STXBP4: variants seen among roughly 807,000 people sequenced by gnomAD.
The protein encoded by STXBP4 is syntaxin-binding protein 4.
Under a neutral mutation model 76.1 loss-of-function variants are expected in STXBP4, and 55 were observed. The ratio of observed to expected loss-of-function variants is 0.72; its 90% CI spans 0.58 to 0.91. The LOEUF (loss-of-function observed/expected upper bound fraction) is 0.91. STXBP4 is among the 40% of genes least tolerant of loss of function. The pLI is 0.00. For synonymous variants in STXBP4, 201 were observed against 220.2 expected, an observed-to-expected ratio of 0.91 and a Z score of 0.77; for missense variants, 618 against 636.9, an observed-to-expected ratio of 0.97 and a Z score of 0.32.
At chr17:54,990,268 T>G (rs2077693640) in intron 3 of STXBP4, among the ~76,000 whole-genome samples, 1 of 146,214 alleles carries the variant, frequency 6.8e-6, no homozygotes, top group South Asian at 2.1e-4. Flanking sequence ...CTGGTAGTGG[T>G]CCGTAGTCTG....
the STXBP4 span, among the ~76,000 whole-genome samples, chr17:55,209,118 A>G: frequency 6.6e-6 from 1 of 152,118 alleles, no homozygotes. Context: ...CTTACATTAT[A>G]AAAGAGGTGG....
At position 55,165,443 on chromosome 17, in the gene STXBP4, C is replaced by G. The variant is rs2080372481; in HGVS notation, c.*5532C>G. 1 of 152,182 alleles carries G rather than the reference C, an allele frequency of 6.6e-6. No individual in the cohort carries two copies. The highest frequency in any genetic ancestry group is 2.4e-5 in the African/African-American group (1 of 41,422). 9.4% of individuals were successfully genotyped at this position (152,182 alleles called of 1,614,324 possible). A position where few individuals can be genotyped will look rare whatever the true frequency, so the allele number is the denominator to read the frequency against. The stretch of plus-strand genomic sequence containing the variant: ...GACCTTGGACAACGCCAGTGAGCTT[C>G]CTCCAGCCCAATGTGGTCAACATTG... On this transcript the variant is annotated 3_prime_UTR_variant, in exon 18 of 18. Transcript: ENST00000376352.
At chr17:54,992,229 C>T (rs536534457) in intron 4 of STXBP4, among the ~76,000 whole-genome samples, 34 of 151,584 alleles carry the variant, frequency 2.2e-4, no homozygotes, top group African/African-American at 5.8e-4. Context: ...GCCTGGGCAA[C>T]GTAGAGAGAC....
rs759459768 is a variant in STXBP4 at position 54,999,674 on chromosome 17, C to T, written c.330C>T (p.Ser110=). The T allele has an allele frequency of 3.1e-5, 50 of 1,613,494 alleles. No individual in the cohort carries two copies. The highest frequency in any genetic ancestry group is 1.2e-4 in the Admixed American group (7 of 59,968). ...AWEIAFIRQK[S]DNIQPENLSC... is the part of the protein sequence containing the mutation. ...AGATAGCATTCATAAGACAAAAATC[C>T]GACAACATTCAGCCAGAAAATCTGT... is the stretch of plus-strand genomic sequence containing the variant. Residue 110 remains serine, a synonymous_variant, in exon 6 of 18, where the codon TCC becomes TCT. Transcript: ENST00000376352.
At chr17:54,993,809 C>A (rs1026968124) in intron 4 of STXBP4, among the ~76,000 whole-genome samples, 5 of 152,138 alleles carry the variant, frequency 3.3e-5, no homozygotes, top group Non-Finnish European at 7.3e-5. Flanking sequence ...TTTGTTTTAA[C>A]ATTATAATGT....
rs368220235 is a variant in STXBP4 at position 55,097,799 on chromosome 17, A to G, written c.1489+16616A>G. On this transcript the variant is annotated intron_variant, in intron 16 of 17. Coordinates refer to ENST00000376352, the MANE Select transcript of STXBP4 (RefSeq NM_178509.6). Reference sequence around the variant, plus strand: ...CAGAGTAGTGAAAAGATCATACGCTATAAGGTTCCAATGCCAACTCTATGG... The same window carrying G: ...CAGAGTAGTGAAAAGATCATACGCTGTAAGGTTCCAATGCCAACTCTATGG... Among the ~76,000 whole-genome samples the G allele has an allele frequency of 9.2e-5, 14 of 152,328 alleles. No individual in the cohort carries two copies. The South Asian group carries it at 1.9e-3, about 20-fold the overall frequency.
chr17:55,119,418 G>C (rs1477193248), intron 16 of STXBP4, among the ~76,000 whole-genome samples: 2 of 152,050 alleles, frequency 1.3e-5, no homozygotes, highest in African/African-American at 4.8e-5. Flanking sequence ...GAAAATTATA[G>C]AAGTCTAGAA....
rs376674385 is a variant in STXBP4, at chr17:55,016,330, C to T, written c.666+8733C>T. ...GATTCTAGTCCTTTACCAGTGTGCC[C>T]AACGTTGCCTTTGTGCTCAGGGGTG... On this transcript the variant is annotated intron_variant, in intron 8 of 17. Coordinates refer to ENST00000376352, the MANE Select transcript of STXBP4 (RefSeq NM_178509.6). Among the ~76,000 whole-genome samples the T allele has an allele frequency of 1.5e-3, 221 of 152,204 alleles. 6 individuals are homozygous for T. The South Asian group carries it at 0.045, about 31-fold the overall frequency.
At chr17:55,199,663 G>A in the STXBP4 span, among the ~76,000 whole-genome samples, 1 of 152,164 alleles carries the variant, frequency 6.6e-6, no homozygotes, top group Non-Finnish European at 1.5e-5. Flanking sequence ...ATATGTTCAA[G>A]TATGTTAAGG....
At chr17:55,023,532 G>T (rs562276827) in intron 8 of STXBP4, among the ~76,000 whole-genome samples, 6 of 152,166 alleles carry the variant, frequency 3.9e-5, no homozygotes, top group Non-Finnish European at 7.3e-5. Flanking sequence ...TCAGCCACCC[G>T]TGTGGACAAT....
the STXBP4 span, among the ~76,000 whole-genome samples, chr17:55,203,518 T>C: frequency 1.3e-5 from 2 of 152,176 alleles, no homozygotes. Context: ...TCAGAAGTTA[T>C]TGAAAATTAT....
chr17:55,070,183 T>A (rs575718572), intron 12 of STXBP4, among the ~76,000 whole-genome samples: 10 of 152,356 alleles, frequency 6.6e-5, no homozygotes, highest in South Asian at 4.1e-4. Flanking sequence ...TTTGTGATTC[T>A]GAGTTAGTTA....
At chr17:55,122,909 A>G (rs927110736) in intron 16 of STXBP4, among the ~76,000 whole-genome samples, 1 of 152,188 alleles carries the variant, frequency 6.6e-6, no homozygotes, top group African/African-American at 2.4e-5. Context: ...CTTAAAGAAC[A>G]TTATCTCAAA....
At chr17:55,208,061 T>A in the STXBP4 span, among the ~76,000 whole-genome samples, 1 of 150,606 alleles carries the variant, frequency 6.6e-6, no homozygotes, top group African/African-American at 2.5e-5. Context: ...AGTACCAGGC[T>A]ATACTAGATG....
the STXBP4 span, among the ~76,000 whole-genome samples, chr17:55,186,739 C>G: frequency 6.6e-6 from 1 of 152,088 alleles, no homozygotes; most frequent in Non-Finnish European, 1.5e-5. Flanking sequence ...TGATCTTTTG[C>G]CAGTTGATTA....
At chr17:54,984,595 G>A (rs1219285225) in intron 1 of STXBP4, among the ~76,000 whole-genome samples, 8 of 151,682 alleles carry the variant, frequency 5.3e-5, no homozygotes, top group Admixed American at 2.0e-4. Flanking sequence ...CACCCGCCTC[G>A]GCCACCCAAA....
chr17:55,176,764 G>A (rs960318959), downstream of STXBP4, among the ~76,000 whole-genome samples: 1 of 152,166 alleles, frequency 6.6e-6, no homozygotes, highest in East Asian at 1.9e-4. Flanking sequence ...AGCAATGTGG[G>A]TGAATATCAT....
At chr17:55,129,067 C>A (rs1347961582) in intron 16 of STXBP4, among the ~76,000 whole-genome samples, 2 of 151,604 alleles carry the variant, frequency 1.3e-5, no homozygotes, top group African/African-American at 4.8e-5. Context: ...GTAGCTGGGA[C>A]TACAGACACT....
At chr17:55,000,284 C>T in intron 6 of STXBP4, 1 of 984,740 alleles carries the variant, frequency 1.0e-6, no homozygotes, top group Non-Finnish European at 1.2e-6. Flanking sequence ...TTCATGTGTG[C>T]ATGCTATAGT....
Sources: allele counts gnomAD v4.1 joint callset (sites outside exome capture counted in the v4.1 genomes callset), GRCh38; gene constraint gnomAD v4.1.1; transcripts MANE v1.5; gene names NCBI Gene and HGNC (gene_info 2026-07-23, HGNC 2026-07-21).